DBNDD1: variants seen among roughly 807,000 people sequenced by gnomAD.
DBNDD1 encodes the protein dysbindin domain-containing protein 1.
A neutral mutation model predicts 17.0 loss-of-function variants in DBNDD1; 14 were observed. That is an observed-to-expected ratio of 0.82 (90% CI 0.54 to 1.29). The LOEUF (loss-of-function observed/expected upper bound fraction) is 1.29. Ranked by LOEUF, DBNDD1 falls within the 50% of genes most tolerant of loss-of-function variation. The pLI is 0.00. For synonymous variants in DBNDD1, 105 were observed against 102.0 expected, an observed-to-expected ratio of 1.03 and a Z score of -0.18; for missense variants, 221 against 216.2, an observed-to-expected ratio of 1.02 and a Z score of -0.14.
chr16:90,006,710 G>A, intron 3 of DBNDD1: 1 of 611,264 alleles, frequency 1.6e-6, no homozygotes, highest in Non-Finnish European at 2.8e-6. Flanking sequence ...GCCTGGGCAG[G>A]GTCTTTTCTG....
At chr16:90,016,428 T>C (rs548558323) in intron 1 of DBNDD1, among the ~76,000 whole-genome samples, 2 of 152,292 alleles carry the variant, frequency 1.3e-5, no homozygotes, top group African/African-American at 4.8e-5. Context: ...GGGCGGGTGC[T>C]GGCAGCCCCC....
At chr16:90,018,924 G>A (rs1380793547) in intron 1 of DBNDD1, among the ~76,000 whole-genome samples, 2 of 152,224 alleles carry the variant, frequency 1.3e-5, no homozygotes, top group Non-Finnish European at 2.9e-5. Flanking sequence ...GCGCTTGCAA[G>A]CGGCCAGCGT....
In DBNDD1 at chr16:90,009,422, T is replaced by C; in HGVS notation, c.40A>G (p.Lys14Glu). 1 of 1,611,282 alleles carries C rather than the reference T, an allele frequency of 6.2e-7. No individual in the cohort carries two copies. Among genetic ancestry groups the C allele is most frequent in the Non-Finnish European group, 8.5e-7 (1 of 1,179,984 alleles). Residue 14 changes from lysine (K) to glutamate (E), a missense_variant, in exon 2 of 4, where the codon AAG (lysine) becomes GAG (glutamate). Transcript: ENST00000002501. ...PEGAGTGEIV[K>E]EAEVPQAALG... ...GCAGCCTGCGGCACCTCAGCCTCCT[T>C]AACGATCTCTGCATCCAAAGACACA...
At chr16:90,011,552 G>A (rs995843491) in intron 1 of DBNDD1, 6 of 412,542 alleles carry the variant, frequency 1.5e-5, no homozygotes, top group Non-Finnish European at 2.5e-5. Flanking sequence ...TCGCCCCGTC[G>A]GCCGTGTGGT....
At position 90,019,430 on chromosome 16, in the gene DBNDD1, G is replaced by T. The variant is rs1461047112; in HGVS notation, c.-89C>A. The T allele has an allele frequency of 5.0e-6, 4 of 805,494 alleles. No homozygotes were observed. In the African/African-American group the frequency reaches 5.5e-5, roughly 11 times the overall value. 49.9% of individuals were successfully genotyped at this position (805,494 alleles called of 1,614,324 possible). Reference sequence around the variant, plus strand: ...CAGCTGCGGCAGCGACTCGGCCCCGGCTCCGGGCGCAGCGCATCGGGGCAG... The same window carrying T: ...CAGCTGCGGCAGCGACTCGGCCCCGTCTCCGGGCGCAGCGCATCGGGGCAG... On this transcript the variant is annotated 5_prime_UTR_variant, in exon 1 of 4. Coordinates refer to ENST00000002501, the MANE Select transcript of DBNDD1 (RefSeq NM_001042610.3). The surrounding 1 kb of genome is among the most constrained non-coding windows in gnomAD (Gnocchi z 6.1).
intron 1 of DBNDD1, among the ~76,000 whole-genome samples, chr16:90,011,941 C>T (rs1321879837): frequency 6.6e-6 from 1 of 152,212 alleles, no homozygotes; most frequent in African/African-American, 2.4e-5. Context: ...CAGCCTGGCC[C>T]TTGGGCCCTT....
Position 90,006,147 on chromosome 16 carries a change from C to G in DBNDD1, c.*188G>C. The G allele has an allele frequency of 1.2e-6, 1 of 867,302 alleles. No homozygotes were observed. The highest frequency in any genetic ancestry group is 2.7e-5 in the East Asian group (1 of 36,646). 53.7% of individuals were successfully genotyped at this position (867,302 alleles called of 1,614,324 possible). Reference sequence around the variant, plus strand: ...AAAGCCGGCTGGTCTCCAAGTGAGGCGAAGACCCGTGCCCAGCAGACAAGG... The same window carrying G: ...AAAGCCGGCTGGTCTCCAAGTGAGGGGAAGACCCGTGCCCAGCAGACAAGG... On this transcript the variant is annotated 3_prime_UTR_variant, in exon 4 of 4. Coordinates refer to ENST00000002501, the MANE Select transcript of DBNDD1 (RefSeq NM_001042610.3).
In DBNDD1 at chr16:90,011,543, C is replaced by T. The variant is rs146204310; in HGVS notation, c.32-2113G>A. ...GCCCTGTGGCCTGACAGTGTCCCCT[C>T]GCCCCGTCGGCCGTGTGGTCATTCT... On this transcript the variant is annotated intron_variant, in intron 1 of 3. Transcript: ENST00000002501. The T allele has an allele frequency of 3.8e-3, 1,528 of 405,536 alleles. 21 individuals carry two copies. Among genetic ancestry groups the T allele is most frequent in the African/African-American group, 0.028 (1,370 of 49,370 alleles). 25.1% of individuals were successfully genotyped at this position (405,536 alleles called of 1,614,324 possible).
In DBNDD1 at chr16:90,005,992, G is replaced by A. The variant is rs1248754497; in HGVS notation, c.*343C>T. On this transcript the variant is annotated 3_prime_UTR_variant, in exon 4 of 4. Coordinates refer to ENST00000002501, the MANE Select transcript of DBNDD1 (RefSeq NM_001042610.3). ...CGTGGGCCACTCCATTCCTCAGCAC[G>A]TTCCTGGCAGTGACTCCGTGACGCT... is the stretch of plus-strand genomic sequence containing the variant. 1.3e-5 allele frequency: 3 copies of A among 233,308 alleles called. No individual in the cohort carries two copies. Among genetic ancestry groups the A allele is most frequent in the Admixed American group, 4.5e-5 (1 of 22,098 alleles). The allele number at this position is 233,308 out of a possible 1,614,324, so 14.5% of individuals were successfully genotyped here.
At position 90,006,099 on chromosome 16, in the gene DBNDD1, G is replaced by A. The variant is rs74557259; in HGVS notation, c.*236C>T. ...TGTGCTGGGGCTCCCAGAGGCATCCGGGGGCCCCGTGTGTCCCCCAGGAAA... is the reference window on the plus strand; with the variant it reads ...TGTGCTGGGGCTCCCAGAGGCATCCAGGGGCCCCGTGTGTCCCCCAGGAAA... On this transcript the variant is annotated 3_prime_UTR_variant, in exon 4 of 4. Transcript: ENST00000002501. 3.1e-3 allele frequency: 1,688 copies of A among 538,318 alleles called. 34 individuals carry two copies. The highest frequency in any genetic ancestry group is 0.029 in the African/African-American group (1,535 of 53,164). The allele number at this position is 538,318 out of a possible 1,614,324, so 33.3% of individuals were successfully genotyped here.
rs1017457759 is a variant in DBNDD1, at chr16:90,019,298, G to A, written c.31+13C>T. 3.3e-6 allele frequency: 4 copies of A among 1,217,262 alleles called. No homozygotes were observed. Among genetic ancestry groups the A allele is most frequent in the Admixed American group, 4.3e-5 (1 of 23,322 alleles). 75.4% of individuals were successfully genotyped at this position (1,217,262 alleles called of 1,614,324 possible). On this transcript the variant is annotated intron_variant, in intron 1 of 3. Transcript: ENST00000002501. The surrounding 1 kb of genome is among the most constrained non-coding windows in gnomAD (Gnocchi z 6.1). Reference sequence around the variant, plus strand: ...CGCTGCGCGGGGGTCTCGGGGGCTGGGGCTGAACTCACCTCCGGTGCCGGC... The same window carrying A: ...CGCTGCGCGGGGGTCTCGGGGGCTGAGGCTGAACTCACCTCCGGTGCCGGC...
rs1272137385 is a variant in DBNDD1 at position 90,009,309 on chromosome 16, C to T, written c.153G>A (p.Gly51=). The part of the protein sequence containing the change: ...EVGGIPVPAP[G]LLQVTERRQP... ...GCCTCCTCTCCGTGACCTGCAGGAG[C>T]CCCGGTGCTGGTACTGGGATGCCCC... Residue 51 remains glycine (G), a synonymous_variant, in exon 2 of 4, where the codon GGG becomes GGA. Transcript: ENST00000002501. The T allele has an allele frequency of 1.2e-6, 2 of 1,613,450 alleles. No homozygotes were observed. The highest frequency in any genetic ancestry group is 1.3e-5 in the African/African-American group (1 of 74,930).
intron 1 of DBNDD1, among the ~76,000 whole-genome samples, chr16:90,012,041 A>G (rs775378071): frequency 6.6e-6 from 1 of 152,240 alleles, no homozygotes; most frequent in African/African-American, 2.4e-5. Context: ...TCACAATTCC[A>G]AAATGCTTCC....
In DBNDD1 at chr16:90,006,107, C is replaced by T. The variant is rs1312402295; in HGVS notation, c.*228G>A. Reference sequence around the variant, plus strand: ...GGCTCCCAGAGGCATCCGGGGGCCCCGTGTGTCCCCCAGGAAAGCCGGCTG... The same window carrying T: ...GGCTCCCAGAGGCATCCGGGGGCCCTGTGTGTCCCCCAGGAAAGCCGGCTG... On this transcript the variant is annotated 3_prime_UTR_variant, in exon 4 of 4. Transcript: ENST00000002501. 2.8e-5 allele frequency: 17 copies of T among 614,742 alleles called. 1 individual carries two copies. The highest frequency in any genetic ancestry group is 4.6e-4 in the Middle Eastern group (1 of 2,156). The allele number at this position is 614,742 out of a possible 1,614,324, so 38.1% of individuals were successfully genotyped here. A position where few individuals can be genotyped will look rare whatever the true frequency, so the allele number is the denominator to read the frequency against.
rs896566582 is a variant in DBNDD1 at position 90,004,943 on chromosome 16, A to C, written c.*1392T>G. On this transcript the variant is annotated 3_prime_UTR_variant, in exon 4 of 4. Transcript: ENST00000002501. The stretch of plus-strand genomic sequence containing the variant: ...TGTGGAAGCTCAGCAGGAAGGATGG[A>C]AAGATGGGGAGGAAGACCCTGGCGG... 6.5e-6 allele frequency: 1 copy of C among 152,808 alleles called. No individual in the cohort carries two copies. The highest frequency in any genetic ancestry group is 2.4e-5 in the African/African-American group (1 of 41,458). The allele number at this position is 152,808 out of a possible 1,614,324, so 9.5% of individuals were successfully genotyped here. A position where few individuals can be genotyped will look rare whatever the true frequency, so the allele number is the denominator to read the frequency against.
At chr16:90,015,784 A>G (rs2035631000) in intron 1 of DBNDD1, among the ~76,000 whole-genome samples, 1 of 152,148 alleles carries the variant, frequency 6.6e-6, no homozygotes, top group Non-Finnish European at 1.5e-5. Context: ...CGCCGTTCCT[A>G]GGAAATGTCC....
intron 3 of DBNDD1, chr16:90,006,791 GC>G (rs1024526930): frequency 2.7e-6 from 1 of 367,312 alleles, no homozygotes; most frequent in Non-Finnish European, 5.2e-6. Context: ...CCCTGGTGGG[GC>G]CTCCCTAAAC....
Position 90,019,364 on chromosome 16 carries a change from GGCACGGGCGACGGCGGC to G in DBNDD1, c.-40_-24del. 1 of 1,213,748 alleles carries G rather than the reference GGCACGGGCGACGGCGGC, an allele frequency of 8.2e-7. No homozygotes were observed. The highest frequency in any genetic ancestry group is 1.0e-6 in the Non-Finnish European group (1 of 975,964). The allele number at this position is 1,213,748 out of a possible 1,614,324, so 75.2% of individuals were successfully genotyped here. A position where few individuals can be genotyped will look rare whatever the true frequency, so the allele number is the denominator to read the frequency against. On this transcript the variant is annotated 5_prime_UTR_variant, in exon 1 of 4. Transcript: ENST00000002501. This position sits in a 1 kb window ranked among gnomAD's most constrained non-coding sequence, Gnocchi z 6.1. ...CATGCGGCCGGTGCGGTCTGGGAGG[GGCACGGGCGACGGCGGC>G]GTCGCCTGGCCCGGGCGCCCCAACA...
intron 1 of DBNDD1, among the ~76,000 whole-genome samples, chr16:90,012,186 G>A (rs552558998): frequency 1.3e-5 from 2 of 152,350 alleles, no homozygotes; most frequent in Admixed American, 6.5e-5. Flanking sequence ...CAGAGCAGGC[G>A]CTGTCCCTCT....
Sources: gnomAD v4.1 joint callset for allele counts (sites outside exome capture counted in the v4.1 genomes callset) on GRCh38, gnomAD v4.1.1 for gene constraint, Gnocchi (gnomAD v3.1) non-coding constraint, MANE v1.5 for transcripts, NCBI Gene and HGNC (gene_info 2026-07-23, HGNC 2026-07-21) for gene names.